The following CDYL2 variants were observed in gnomAD, a reference collection of about 807,000 sequenced individuals.
The protein encoded by CDYL2 is chromodomain Y like 2, also known as chromodomain Y-like protein 2.
CDYL2 carries 23 observed loss-of-function variants against 49.4 expected under a neutral mutation model. That is an observed-to-expected ratio of 0.47 (90% confidence interval 0.34 to 0.66). CDYL2 has a LOEUF of 0.66. Ranked by LOEUF, CDYL2 falls within the 30% of genes least tolerant of loss-of-function variation. CDYL2 has a pLI of 0.01. For synonymous variants in CDYL2, 360 were observed against 268.8 expected (o/e 1.34, Z -3.32); for missense variants, 678 against 656.4 (o/e 1.03, Z -0.36).
intron 1 of CDYL2, among the ~76,000 whole-genome samples, chr16:80,754,291 G>A (rs1278848261): frequency 6.6e-6 from 1 of 152,094 alleles, no homozygotes; most frequent in Non-Finnish European, 1.5e-5. Flanking sequence ...ACAACCAACA[G>A]GTGGACAGAG....
rs1021786498 is a variant in CDYL2 at position 80,764,052 on chromosome 16, G to C, written c.24+40098C>G. ...AGGAATGAGATTATAAATATCCAAA[G>C]GACAAGACAAAAAAAGTCTTTAAAG... is the stretch of plus-strand genomic sequence containing the variant. On this transcript the variant is annotated intron_variant, in intron 1 of 6. Transcript: ENST00000570137. 2.0e-5 allele frequency among the ~76,000 whole-genome samples: 3 copies of C among 151,748 alleles called. 1 individual carries two copies. The highest frequency in any genetic ancestry group is 4.4e-5 in the Non-Finnish European group (3 of 67,946).
At chr16:80,768,776 C>G (rs963265601) in intron 1 of CDYL2, among the ~76,000 whole-genome samples, 1 of 152,186 alleles carries the variant, frequency 6.6e-6, no homozygotes, top group African/African-American at 2.4e-5. Flanking sequence ...GATCCTGCCT[C>G]CTCCATGCTG....
At position 80,652,077 on chromosome 16, in the gene CDYL2, A is replaced by G. The variant is rs117057331; in HGVS notation, c.617-18841T>C. ...GGTATATACACAGGTTAGTATACCC[A>G]TGTGTATTGCCATGCTCTCTCAGCT... On this transcript the variant is annotated intron_variant, in intron 2 of 6. Coordinates refer to ENST00000570137, the MANE Select transcript of CDYL2 (RefSeq NM_152342.4). Among the ~76,000 whole-genome samples the G allele has an allele frequency of 6.8e-3, 1,032 of 152,328 alleles. 18 individuals carry two copies. The highest frequency in any genetic ancestry group is 0.039 in the East Asian group (200 of 5,184).
chr16:80,636,994 G>C (rs558415149), intron 2 of CDYL2, among the ~76,000 whole-genome samples: 5 of 152,140 alleles, frequency 3.3e-5, no homozygotes, highest in African/African-American at 1.2e-4. Flanking sequence ...ATAAGTGAGA[G>C]TTGAACAATG....
chr16:80,632,771 A>G (rs1323828978), intron 3 of CDYL2: 4 of 455,352 alleles, frequency 8.8e-6, no homozygotes, highest in African/African-American at 2.0e-5. Context: ...GTCCACGATC[A>G]GTTCAGTGAG....
intron 1 of CDYL2, among the ~76,000 whole-genome samples, chr16:80,733,976 G>A (rs1032544878): frequency 6.6e-6 from 1 of 152,162 alleles, no homozygotes; most frequent in Non-Finnish European, 1.5e-5. Flanking sequence ...AGGCCTTTCA[G>A]AAATTATTCT....
chr16:80,693,048 G>T (rs1183555159), intron 1 of CDYL2, among the ~76,000 whole-genome samples: 1 of 151,800 alleles, frequency 6.6e-6, no homozygotes, highest in Non-Finnish European at 1.5e-5. Flanking sequence ...GCTGAATGAA[G>T]GGGCCAGACT....
intron 1 of CDYL2, among the ~76,000 whole-genome samples, chr16:80,790,569 G>C (rs752980914): frequency 2.0e-5 from 3 of 152,168 alleles, no homozygotes; most frequent in Non-Finnish European, 2.9e-5. Context: ...GTGGTTTCAG[G>C]TGGCAATACA....
intron 2 of CDYL2, 75 bp from the exon 3 acceptor site, chr16:80,633,311 G>T: frequency 6.8e-7 from 1 of 1,462,326 alleles, no homozygotes; most frequent in Non-Finnish European, 9.4e-7. Flanking sequence ...AGAGGACGTT[G>T]GGATTTCCAA....
intron 1 of CDYL2, among the ~76,000 whole-genome samples, chr16:80,733,594 C>T (rs17826989): frequency 0.43 from 64,985 of 151,996 alleles, 16,624 homozygotes; most frequent in Middle Eastern, 0.6. Context: ...AATGCCTGAG[C>T]AAGAGGAAAT....
At chr16:80,710,119 G>A (rs972630168) in intron 1 of CDYL2, among the ~76,000 whole-genome samples, 1 of 151,978 alleles carries the variant, frequency 6.6e-6, no homozygotes, top group African/African-American at 2.4e-5. Flanking sequence ...GTACAGACGG[G>A]GATTTCGCCA....
intron 5 of CDYL2, among the ~76,000 whole-genome samples, chr16:80,609,771 G>A (rs1441813513): frequency 6.6e-6 from 1 of 152,164 alleles, no homozygotes; most frequent in African/African-American, 2.4e-5. Flanking sequence ...AGAGAACTTA[G>A]GGGTATTATC....
intron 1 of CDYL2, among the ~76,000 whole-genome samples, chr16:80,718,062 T>C (rs1487960623): frequency 6.6e-6 from 1 of 152,186 alleles, no homozygotes; most frequent in African/African-American, 2.4e-5. Flanking sequence ...CTATTATCTC[T>C]ACTTTACAGA....
intron 1 of CDYL2, among the ~76,000 whole-genome samples, chr16:80,760,518 T>C (rs1198261759): frequency 6.6e-6 from 1 of 152,134 alleles, no homozygotes; most frequent in Admixed American, 6.6e-5. Flanking sequence ...GGATAAATGC[T>C]TGAGGGAATG....
intron 1 of CDYL2, among the ~76,000 whole-genome samples, chr16:80,777,069 G>T (rs911432072): frequency 1.3e-5 from 2 of 151,958 alleles, no homozygotes; most frequent in Non-Finnish European, 2.9e-5. Flanking sequence ...CAATCCGTCC[G>T]CCTTGGCCTC....
At chr16:80,637,295 T>A (rs4889181) in intron 2 of CDYL2, among the ~76,000 whole-genome samples, 17,830 of 152,168 alleles carry the variant, frequency 0.12, 1,496 homozygotes, top group Admixed American at 0.28. Context: ...TACCTACAGA[T>A]AATGTCTTAC....
intron 2 of CDYL2, among the ~76,000 whole-genome samples, chr16:80,672,076 T>C (rs1017940518): frequency 6.6e-6 from 1 of 152,190 alleles, no homozygotes; most frequent in Non-Finnish European, 1.5e-5. Context: ...CCTAATCTGA[T>C]AATTGAATGC....
At chr16:80,733,376 T>A (rs560685683) in intron 1 of CDYL2, among the ~76,000 whole-genome samples, 8 of 152,320 alleles carry the variant, frequency 5.3e-5, no homozygotes, top group African/African-American at 1.9e-4. Context: ...CTGTGAATAG[T>A]TTCATCTTGC....
At chr16:80,803,841 C>T (rs1226803199) in intron 1 of CDYL2, among the ~76,000 whole-genome samples, 14 of 147,094 alleles carry the variant, frequency 9.5e-5, no homozygotes. Context: ...CGCTACCTCC[C>T]CCGCCCCGGC....
Sources: gnomAD v4.1 joint callset for allele counts (sites outside exome capture counted in the v4.1 genomes callset) on GRCh38, gnomAD v4.1.1 for gene constraint, MANE v1.5 for transcripts, NCBI Gene and HGNC (gene_info 2026-07-23, HGNC 2026-07-21) for gene names.